The following GPC5 variants were observed in gnomAD, a reference collection of about 807,000 sequenced individuals.
GPC5 encodes the protein glypican-5.
A neutral mutation model predicts 53.9 loss-of-function variants in GPC5; 47 were observed. That is an observed-to-expected ratio of 0.87 (90% CI 0.69 to 1.11). The LOEUF (loss-of-function observed/expected upper bound fraction) is 1.11. Ranked by LOEUF, GPC5 falls within the 50% of genes most tolerant of loss-of-function variation. The pLI, the probability that GPC5 is intolerant of heterozygous loss-of-function variation, is 0.00. For synonymous variants in GPC5, 286 were observed against 263.3 expected (o/e 1.09, Z -0.84); for missense variants, 748 against 713.1 (o/e 1.05, Z -0.56).
intron 7 of GPC5, among the ~76,000 whole-genome samples, chr13:92,277,749 T>G (rs75040559): frequency 0.01 from 1,563 of 152,070 alleles, 34 homozygotes; most frequent in African/African-American, 0.035. Flanking sequence ...GCAGACAACT[T>G]GTTTCTACTT....
At chr13:92,343,542 C>A (rs1431296928) in intron 7 of GPC5, among the ~76,000 whole-genome samples, 1 of 152,044 alleles carries the variant, frequency 6.6e-6, no homozygotes, top group East Asian at 1.9e-4. Flanking sequence ...ACTAGGCAAA[C>A]TAGGCTATTT....
chr13:91,909,647 G>A (rs2039590684), intron 6 of GPC5, among the ~76,000 whole-genome samples: 1 of 152,114 alleles, frequency 6.6e-6, no homozygotes, highest in Admixed American at 6.6e-5. Flanking sequence ...GATATGCACA[G>A]GATGAAAGCA....
intron 7 of GPC5, among the ~76,000 whole-genome samples, chr13:92,367,867 T>C (rs1363549774): frequency 6.6e-6 from 1 of 152,136 alleles, no homozygotes; most frequent in Non-Finnish European, 1.5e-5. Flanking sequence ...ATGAGGACGG[T>C]GCAGGTGGGT....
chr13:92,783,907 A>G (rs1230996298), intron 7 of GPC5, among the ~76,000 whole-genome samples: 1 of 152,188 alleles, frequency 6.6e-6, no homozygotes, highest in Non-Finnish European at 1.5e-5. Flanking sequence ...AAAATGCACT[A>G]AGAACCCATT....
Position 91,712,951 on chromosome 13 carries a change from G to A in GPC5, c.1021-15581G>A, listed in dbSNP as rs571834631. On this transcript the variant is annotated intron_variant, in intron 3 of 7. Transcript: ENST00000377067. Reference sequence around the variant, plus strand: ...CACGCCTGTAATCCCAGCACTTTGGGAGGCCAAGGTGGGGAGATTACCTGA... The same window carrying A: ...CACGCCTGTAATCCCAGCACTTTGGAAGGCCAAGGTGGGGAGATTACCTGA... Among the ~76,000 whole-genome samples the A allele has an allele frequency of 6.6e-5, 10 of 152,340 alleles. No individual in the cohort carries two copies. The South Asian group carries it at 1.2e-3, about 19-fold the overall frequency.
chr13:91,844,214 G>C (rs1301692910), intron 5 of GPC5, among the ~76,000 whole-genome samples: 1 of 152,182 alleles, frequency 6.6e-6, no homozygotes, highest in South Asian at 2.1e-4. Flanking sequence ...TAAGGAAAAG[G>C]AGTGGTAATC....
intron 7 of GPC5, among the ~76,000 whole-genome samples, chr13:92,436,679 CTCATCACACAAAATTTTTGAACGTT>C (rs1877318633): frequency 6.6e-6 from 1 of 152,160 alleles, no homozygotes; most frequent in East Asian, 1.9e-4. Flanking sequence ...ATTCAAACCA[CTCATCACACAAAATTTTTGAACGTT>C]TAGTATTTAA....
chr13:91,723,164 T>C (rs946161066), intron 3 of GPC5, among the ~76,000 whole-genome samples: 2 of 152,122 alleles, frequency 1.3e-5, no homozygotes, highest in African/African-American at 4.8e-5. Flanking sequence ...CACTTATTTT[T>C]ATTTATTTTT....
intron 2 of GPC5, among the ~76,000 whole-genome samples, chr13:91,456,409 T>G (rs181894579): frequency 6.2e-4 from 94 of 152,156 alleles, no homozygotes; most frequent in Admixed American, 4.4e-3. Context: ...TAAACAATTA[T>G]TAGCTTCTTT....
intron 2 of GPC5, among the ~76,000 whole-genome samples, chr13:91,451,732 C>T (rs540692359): frequency 6.6e-6 from 1 of 152,102 alleles, no homozygotes; most frequent in South Asian, 2.1e-4. Flanking sequence ...ATTCTCTTGC[C>T]TCAGCCTCCC....
At chr13:92,824,253 G>C (rs1033797264) in intron 7 of GPC5, among the ~76,000 whole-genome samples, 1 of 151,826 alleles carries the variant, frequency 6.6e-6, no homozygotes, top group African/African-American at 2.4e-5. Context: ...ATACAAAACC[G>C]CCTCTTCTTC....
intron 6 of GPC5, among the ~76,000 whole-genome samples, chr13:92,052,504 C>T (rs2041038757): frequency 6.6e-6 from 1 of 152,166 alleles, no homozygotes; most frequent in Admixed American, 6.5e-5. Flanking sequence ...CCATGTCCTG[C>T]TGGTTGGTCC....
At chr13:91,998,899 C>G (rs563924948) in intron 6 of GPC5, among the ~76,000 whole-genome samples, 1 of 152,282 alleles carries the variant, frequency 6.6e-6, no homozygotes, top group East Asian at 1.9e-4. Flanking sequence ...ACTGTCCATT[C>G]AAAGGGCCTT....
chr13:91,439,085 C>T (rs560254529), intron 1 of GPC5, among the ~76,000 whole-genome samples: 1 of 152,314 alleles, frequency 6.6e-6, no homozygotes, highest in East Asian at 1.9e-4. Flanking sequence ...CATCTTGGCT[C>T]AAGAGCCTTC....
intron 7 of GPC5, among the ~76,000 whole-genome samples, chr13:92,342,917 C>T (rs1314161534): frequency 6.6e-6 from 1 of 152,060 alleles, no homozygotes; most frequent in Non-Finnish European, 1.5e-5. Flanking sequence ...TACTTATGTA[C>T]AAATATCTCC....
chr13:91,398,808 A>G lies in GPC5; in HGVS notation c.-239A>G, dbSNP rs116243493. On this transcript the variant is annotated 5_prime_UTR_variant, in exon 1 of 8. Transcript: ENST00000377067. ...GCCCAGCCGCCCACTCTTCTCGGCT[A>G]GGGAAGAAGACCAGAGGGTGCTCAG... is the stretch of plus-strand genomic sequence containing the variant. 3.1e-3 allele frequency: 1,370 copies of G among 439,586 alleles called. 15 individuals are homozygous for G. Among genetic ancestry groups the G allele is most frequent in the African/African-American group, 0.019 (919 of 48,924 alleles). The allele number at this position is 439,586 out of a possible 1,614,324, so 27.2% of individuals were successfully genotyped here.
intron 5 of GPC5, 142 bp downstream of exon 5, chr13:91,756,562 A>G: frequency 4.5e-6 from 3 of 668,894 alleles, no homozygotes; most frequent in Non-Finnish European, 6.8e-6. Flanking sequence ...TTGTCAAAAA[A>G]CAAGGAAAAG....
chr13:92,044,225 G>A (rs950611195), intron 6 of GPC5, among the ~76,000 whole-genome samples: 1 of 152,142 alleles, frequency 6.6e-6, no homozygotes, highest in African/African-American at 2.4e-5. Flanking sequence ...GTGACCACTA[G>A]CCAAAGTATT....
chr13:91,460,166 T>A (rs913657423), intron 2 of GPC5, among the ~76,000 whole-genome samples: 4 of 152,148 alleles, frequency 2.6e-5, no homozygotes, highest in Non-Finnish European at 5.9e-5. Flanking sequence ...TTAAGACTCT[T>A]GGGACTCAAT....
Sources: gnomAD v4.1 joint callset for allele counts (sites outside exome capture counted in the v4.1 genomes callset) on GRCh38, gnomAD v4.1.1 for gene constraint, MANE v1.5 for transcripts, NCBI Gene and HGNC (gene_info 2026-07-23, HGNC 2026-07-21) for gene names.